MID1: variants seen among roughly 807,000 people sequenced by gnomAD.
The protein encoded by MID1 is E3 ubiquitin-protein ligase Midline-1.
In MID1, 7 loss-of-function variants were observed where a neutral mutation model predicts 40.4. The observed-to-expected ratio is 0.17, with a 90% CI of 0.10 to 0.33. The LOEUF is 0.33. MID1 is among the 10% of genes least tolerant of loss of function. The pLI, the probability that MID1 is intolerant of heterozygous loss-of-function variation, is 1.00. For missense variants in MID1, 367 were observed against 558.5 expected (o/e 0.66, Z 3.46); for synonymous variants, 229 against 221.2 (o/e 1.04, Z -0.31).
At chrX:10,587,258 G>A (rs747681850) in intron 1 of MID1, among the ~76,000 whole-genome samples, 111 of 112,779 alleles carry the variant, frequency 9.8e-4, no homozygotes, top group Middle Eastern at 4.6e-3. Flanking sequence ...CCCAGTAAAG[G>A]TCCACCACAA....
At chrX:10,823,979 G>A (rs925903417) in intron 1 of MID1, among the ~76,000 whole-genome samples, 1 of 111,636 alleles carries the variant, frequency 9.0e-6, no homozygotes, top group Non-Finnish European at 1.9e-5. Context: ...TTCACAGAAG[G>A]CAGGTCATTT....
At chrX:10,566,649 T>C (rs751229968) in intron 2 of MID1, among the ~76,000 whole-genome samples, 2 of 109,805 alleles carry the variant, frequency 1.8e-5, no homozygotes, top group South Asian at 4.0e-4. Context: ...TTGAAAATGA[T>C]CCAGATTTTT....
chrX:10,589,538 C>G (rs1174771155), intron 1 of MID1: 1 of 111,983 alleles, frequency 8.9e-6, no homozygotes, highest in Non-Finnish European at 1.9e-5. Context: ...GGTGATCAGA[C>G]CACGCTTCCA....
At chrX:10,671,620 T>TC (rs1192427933) in intron 1 of MID1, among the ~76,000 whole-genome samples, 1 of 111,259 alleles carries the variant, frequency 9.0e-6, no homozygotes, top group African/African-American at 3.3e-5. Context: ...CCTCTCTACC[T>TC]CCCCATCATC....
At chrX:10,801,063 G>C (rs752439943) in intron 1 of MID1, among the ~76,000 whole-genome samples, 1 of 109,745 alleles carries the variant, frequency 9.1e-6, no homozygotes, top group African/African-American at 3.3e-5. Flanking sequence ...TTTTTACAGA[G>C]CTTTTATTTT....
At chrX:10,552,167 T>A (rs1297606598) in intron 2 of MID1, among the ~76,000 whole-genome samples, 2 of 62,191 alleles carry the variant, frequency 3.2e-5, no homozygotes, top group African/African-American at 8.0e-5. Context: ...TATGAAGGAG[T>A]GGTAAAAAAA....
chrX:10,507,316 G>C (rs1431584644), intron 3 of MID1, among the ~76,000 whole-genome samples: 1 of 111,543 alleles, frequency 9.0e-6, no homozygotes, highest in African/African-American at 3.3e-5. Context: ...AGGGTTGTGG[G>C]AAGGGAGAGG....
chrX:10,495,494 G>T, intron 4 of MID1, 90 bp downstream of exon 4: 1 of 684,330 alleles, frequency 1.5e-6, no homozygotes, highest in Non-Finnish European at 2.3e-6. Context: ...AGAAAAAGAG[G>T]GTTCTCAACA....
chrX:10,653,630 C>T (rs1224227336), intron 1 of MID1, among the ~76,000 whole-genome samples: 1 of 112,625 alleles, frequency 8.9e-6, no homozygotes, highest in Non-Finnish European at 1.9e-5. Flanking sequence ...ACAAGGAAAA[C>T]ATTGCTTTTC....
chrX:10,669,752 C>A (rs1324570044), intron 1 of MID1, among the ~76,000 whole-genome samples: 3 of 112,139 alleles, frequency 2.7e-5, no homozygotes, highest in Non-Finnish European at 5.6e-5. Context: ...TCTACAATTC[C>A]AGAGAGTAAT....
At chrX:10,465,214 T>TATACACACACACAC (rs1477864693) in intron 7 of MID1, among the ~76,000 whole-genome samples, 19 of 39,902 alleles carry the variant, frequency 4.8e-4, no homozygotes, top group African/African-American at 2.3e-3. Context: ...TATATATATA[T>TATACACACACACAC]ACACACACAC....
Position 10,474,607 on chromosome X carries a change from AC to A in MID1, c.1141+15del, listed in dbSNP as rs1426534044. 3 of 1,207,036 alleles carry A rather than the reference AC, an allele frequency of 2.5e-6. No homozygotes were observed. In the African/African-American group the frequency reaches 5.2e-5, roughly 21 times the overall value. ...CTAAGTGTGCACAATATTAAAGAGAACATAAAAGACAATACCTGTAAGGTAA... is the reference window on the plus strand; with the variant it reads ...CTAAGTGTGCACAATATTAAAGAGAAATAAAAGACAATACCTGTAAGGTAA... On this transcript the variant is annotated intron_variant, in intron 6 of 9. Transcript: ENST00000317552.
intron 1 of MID1, among the ~76,000 whole-genome samples, chrX:10,713,015 T>C (rs1465862791): frequency 5.4e-5 from 6 of 110,546 alleles, no homozygotes; most frequent in Admixed American, 2.9e-4. Flanking sequence ...TTTTGTATTT[T>C]TAGTAGAGAC....
chrX:10,518,484 C>G (rs1003651740), intron 3 of MID1, among the ~76,000 whole-genome samples: 18 of 110,879 alleles, frequency 1.6e-4, no homozygotes, highest in African/African-American at 5.2e-4. Context: ...CCTACTACCC[C>G]CTTCCCCACA....
intron 1 of MID1, among the ~76,000 whole-genome samples, chrX:10,816,083 T>C (rs1026974246): frequency 8.9e-6 from 1 of 112,174 alleles, no homozygotes; most frequent in African/African-American, 3.2e-5. Flanking sequence ...GCTTCTTTCC[T>C]AGCTCTCACT....
At chrX:10,494,074 A>G (rs1931099022) in intron 4 of MID1, among the ~76,000 whole-genome samples, 1 of 112,371 alleles carries the variant, frequency 8.9e-6, no homozygotes, top group African/African-American at 3.2e-5. Context: ...AAATTGGACA[A>G]TTCGTATGTG....
chrX:10,689,562 T>A (rs1380385238), intron 1 of MID1, among the ~76,000 whole-genome samples: 2 of 111,683 alleles, frequency 1.8e-5, no homozygotes, highest in African/African-American at 6.5e-5. Flanking sequence ...TACATTTATA[T>A]CTATACCTAC....
At position 10,487,099 on chromosome X, in the gene MID1, A is replaced by T. The variant is rs756617146; in HGVS notation, c.865-4471T>A. The stretch of plus-strand genomic sequence containing the variant: ...GGTCTCAAACTCCTGGGCTCAAGTG[A>T]TCCTCTCGCCTTGGCCTCCCAAAGT... On this transcript the variant is annotated intron_variant, in intron 4 of 9. Coordinates refer to ENST00000317552, the MANE Select transcript of MID1 (RefSeq NM_000381.4). Among the ~76,000 whole-genome samples, 5 of 111,920 alleles carry T rather than the reference A, an allele frequency of 4.5e-5. No homozygotes were observed. In the South Asian group the frequency reaches 1.9e-3, roughly 42 times the overall value.
intron 1 of MID1, among the ~76,000 whole-genome samples, chrX:10,797,876 C>T (rs2043977956): frequency 8.9e-6 from 1 of 111,734 alleles, no homozygotes. Flanking sequence ...TCCAGTCAAT[C>T]CTGTTTTCTT....
Sources: allele counts gnomAD v4.1 joint callset (sites outside exome capture counted in the v4.1 genomes callset), GRCh38; gene constraint gnomAD v4.1.1; transcripts MANE v1.5; gene names NCBI Gene and HGNC (gene_info 2026-07-23, HGNC 2026-07-21).